MTARC1: variants seen among roughly 807,000 people sequenced by gnomAD.
MTARC1 encodes the protein mitochondrial amidoxime-reducing component 1.
MTARC1 carries 24 observed loss-of-function variants against 33.6 expected under a neutral mutation model. That is an observed-to-expected ratio of 0.72 (90% CI 0.52 to 1.01). MTARC1 has a LOEUF of 1.01. Among genes scored for constraint, MTARC1 ranks in the 50% least tolerant of loss-of-function variants. MTARC1 has a pLI of 0.00. For missense variants in MTARC1, 417 were observed against 445.7 expected, an observed-to-expected ratio of 0.94 and a Z score of 0.58; for synonymous variants, 187 against 189.5, an observed-to-expected ratio of 0.99 and a Z score of 0.11.
At chr1:220,805,336 G>T in intron 6 of MTARC1, 62 bp downstream of exon 6, 1 of 1,551,890 alleles carries the variant, frequency 6.4e-7, no homozygotes, top group Admixed American at 1.7e-5. Context: ...AGCAATATTT[G>T]TTGCTTAATG....
intron 2 of MTARC1, chr1:220,794,244 G>A (rs904941347): frequency 6.7e-6 from 1 of 150,152 alleles, no homozygotes; most frequent in African/African-American, 2.5e-5. Flanking sequence ...TGGGCTGTAA[G>A]GGTTTGACTG....
intron 6 of MTARC1, among the ~76,000 whole-genome samples, chr1:220,806,696 C>T (rs537944059): frequency 3.3e-5 from 5 of 152,310 alleles, no homozygotes; most frequent in East Asian, 3.9e-4. Context: ...CTGTCATCCC[C>T]GCTGTCACCT....
intron 2 of MTARC1, among the ~76,000 whole-genome samples, chr1:220,795,707 C>T (rs1874121): frequency 0.4 from 60,216 of 152,004 alleles, 13,135 homozygotes; most frequent in African/African-American, 0.59. Flanking sequence ...CAGAAAGTAA[C>T]CAACACTCAA....
intron 4 of MTARC1, chr1:220,798,724 C>A: frequency 1.3e-6 from 1 of 764,294 alleles, no homozygotes; most frequent in Non-Finnish European, 1.6e-6. Context: ...CCCTGACCCA[C>A]AGCTAGGAAT....
At chr1:220,808,755 A>G in intron 6 of MTARC1, 2 of 463,258 alleles carry the variant, frequency 4.3e-6, no homozygotes, top group Admixed American at 4.8e-5. Context: ...ATACAGAGGC[A>G]TAGGGAAGCC....
intron 4 of MTARC1, chr1:220,798,691 C>A: frequency 1.3e-6 from 1 of 741,508 alleles, no homozygotes; most frequent in Non-Finnish European, 1.6e-6. Context: ...GAGTGGCCAC[C>A]AGCTGTGGAT....
intron 3 of MTARC1, 145 bp downstream of exon 3, chr1:220,796,950 G>T: frequency 3.5e-6 from 3 of 868,468 alleles, no homozygotes; most frequent in Non-Finnish European, 5.1e-6. Flanking sequence ...CAGAAATAAA[G>T]CCCTTCCCTT....
In MTARC1 at chr1:220,813,506, G is replaced by C. The variant is rs566571959; in HGVS notation, c.*88G>C. ...TTGAAGCATGGTGTTTCAGAACTGA[G>C]ACCTCTACATTTTCTTTAAATTTGT... On this transcript the variant is annotated 3_prime_UTR_variant, in exon 7 of 7. Transcript: ENST00000366910. The C allele has an allele frequency of 5.4e-5, 83 of 1,525,912 alleles. No homozygotes were observed. The African/African-American group carries it at 1.0e-3, about 19-fold the overall frequency. The allele number at this position is 1,525,912 out of a possible 1,614,324, so 94.5% of individuals were successfully genotyped here. A position where few individuals can be genotyped will look rare whatever the true frequency, so the allele number is the denominator to read the frequency against.
chr1:220,789,538 A>G (rs1672358754), intron 1 of MTARC1, among the ~76,000 whole-genome samples: 1 of 152,260 alleles, frequency 6.6e-6, no homozygotes, highest in Non-Finnish European at 1.5e-5. Context: ...CGGGTTGGAC[A>G]AGCTTACTCT....
rs1478589476 is a variant in MTARC1 at position 220,797,916 on chromosome 1, G to T, written c.655G>T (p.Ala219Ser). 1.2e-6 allele frequency: 2 copies of T among 1,614,178 alleles called. No individual in the cohort carries two copies. Among genetic ancestry groups the T allele is most frequent in the Non-Finnish European group, 8.5e-7 (1 of 1,180,036 alleles). ...CAGCCCATTCTTGATCCTTTCTGAG[G>T]CGTCGCTGGCGGATCTCAACTCCAG... is the stretch of plus-strand genomic sequence containing the variant. The part of the protein sequence containing the change: ...DTSPFLILSE[A>S]SLADLNSRLE... Residue 219 changes from alanine to serine, a missense_variant, in exon 4 of 7, where the codon GCG becomes TCG. Physicochemically the swap from Ala to Ser is moderately conservative, Grantham distance 99. Coordinates refer to ENST00000366910, the MANE Select transcript of MTARC1 (RefSeq NM_022746.4).
At chr1:220,794,786 T>C (rs1300795196) in intron 2 of MTARC1, among the ~76,000 whole-genome samples, 1 of 152,180 alleles carries the variant, frequency 6.6e-6, no homozygotes, top group African/African-American at 2.4e-5. Context: ...CTTGGGTGCA[T>C]ATTTCAGCCC....
chr1:220,796,702 C>A lies in MTARC1; in HGVS notation c.509C>A (p.Thr170Asn), dbSNP rs777078255. 1 of 1,612,598 alleles carries A rather than the reference C, an allele frequency of 6.2e-7. No individual in the cohort carries two copies. Among genetic ancestry groups the A allele is most frequent in the African/African-American group, 1.3e-5 (1 of 74,848 alleles). ...GGCGAGGCCACCGCCCAGTGGATAA[C>A]CAGCTTCCTGAAGTCACAGCCCTAC... ...DCGEATAQWI[T>N]SFLKSQPYRL... The change falls in exon 3 of 7, where the codon ACC becomes AAC. Residue 170 changes from threonine (T) to asparagine (N), a missense_variant. Transcript: ENST00000366910.
At chr1:220,809,379 A>G (rs776650998) in intron 6 of MTARC1, among the ~76,000 whole-genome samples, 9 of 152,216 alleles carry the variant, frequency 5.9e-5, no homozygotes, top group Non-Finnish European at 1.2e-4. Context: ...ACTTCTTCCC[A>G]TACTCAGAGG....
At chr1:220,798,438 T>C in intron 4 of MTARC1, 2 of 985,366 alleles carry the variant, frequency 2.0e-6, no homozygotes, top group South Asian at 9.4e-5. Context: ...TGGGTGAGGG[T>C]TGGGAGAGGT....
intron 4 of MTARC1, among the ~76,000 whole-genome samples, chr1:220,803,481 T>C (rs1231818715): frequency 6.6e-6 from 1 of 152,110 alleles, no homozygotes; most frequent in Admixed American, 6.5e-5. Flanking sequence ...TACTTAAAAC[T>C]CTTGACATTC....
chr1:220,791,387 T>TG lies in MTARC1; in HGVS notation c.276-100dup, dbSNP rs1672414424. Reference sequence around the variant, plus strand: ...CTCAAACTCACACACACCAGGCTTATGGGGAAGAAATCAAAGATGACAACA... The same window carrying TG: ...CTCAAACTCACACACACCAGGCTTATGGGGGAAGAAATCAAAGATGACAACA... On this transcript the variant is annotated intron_variant, in intron 1 of 6. Transcript: ENST00000366910. The TG allele has an allele frequency of 2.3e-6, 3 of 1,290,084 alleles. No homozygotes were observed. In the African/African-American group the frequency reaches 4.4e-5, roughly 19 times the overall value. 79.9% of individuals were successfully genotyped at this position (1,290,084 alleles called of 1,614,324 possible). A position where few individuals can be genotyped will look rare whatever the true frequency, so the allele number is the denominator to read the frequency against.
At chr1:220,787,449 G>A (rs1228537297) in intron 1 of MTARC1, among the ~76,000 whole-genome samples, 8 of 152,152 alleles carry the variant, frequency 5.3e-5, no homozygotes, top group Admixed American at 5.2e-4. Flanking sequence ...TTCCCGGGGT[G>A]GGCGGATCTC....
At position 220,816,340 on chromosome 1, in the gene MTARC1, C is replaced by T. The variant is rs978079151; in HGVS notation, c.*2922C>T. The T allele has an allele frequency of 6.6e-6, 1 of 152,228 alleles. No individual in the cohort carries two copies. The highest frequency in any genetic ancestry group is 2.4e-5 in the African/African-American group (1 of 41,460). The allele number at this position is 152,228 out of a possible 1,614,324, so 9.4% of individuals were successfully genotyped here. ...GTGGAGAACAGATACATTAAAGTTC[C>T]TTGAAAATGACAGAGTGGCTCTCAG... On this transcript the variant is annotated 3_prime_UTR_variant, in exon 7 of 7. Coordinates refer to ENST00000366910, the MANE Select transcript of MTARC1 (RefSeq NM_022746.4).
rs768558175 is a variant in MTARC1, at chr1:220,787,176, G to A, written c.232G>A (p.Glu78Lys). 1 of 1,580,320 alleles carries A rather than the reference G, an allele frequency of 6.3e-7. No individual in the cohort carries two copies. Among genetic ancestry groups the A allele is most frequent in the Non-Finnish European group, 8.6e-7 (1 of 1,164,052 alleles). Residue 78 changes from glutamate to lysine, a missense_variant, in exon 1 of 7, where the codon GAG becomes AAG. Glu to Lys is a moderately conservative substitution (Grantham distance 56). Transcript: ENST00000366910. ...SCKGVPVSEA[E>K]CTAMGLRSGN... is the part of the protein sequence containing the mutation. The stretch of plus-strand genomic sequence containing the variant: ...CAAGGGGGTGCCGGTGAGCGAGGCG[G>A]AGTGCACGGCCATGGGGCTGCGCAG...
Sources: gnomAD v4.1 joint callset for allele counts (sites outside exome capture counted in the v4.1 genomes callset) on GRCh38, gnomAD v4.1.1 for gene constraint, MANE v1.5 for transcripts, NCBI Gene and HGNC (gene_info 2026-07-23, HGNC 2026-07-21) for gene names.